Variants in KCNQ3 observed in about 807,000 individuals in gnomAD.
The protein encoded by KCNQ3 is potassium voltage-gated channel subfamily KQT member 3.
Under a neutral mutation model 92.5 loss-of-function variants are expected in KCNQ3, and 30 were observed. That is an observed-to-expected ratio of 0.32 (90% CI 0.24 to 0.44). The LOEUF is 0.44. Among genes scored for constraint, KCNQ3 ranks in the 20% least tolerant of loss-of-function variants. KCNQ3 has a pLI of 1.00. For synonymous variants in KCNQ3, 450 were observed against 468.8 expected (o/e 0.96, Z 0.52); for missense variants, 913 against 1,140.3 (o/e 0.80, Z 2.87).
chr8:132,370,890 CATCTCCATTTTACAG>C lies in KCNQ3; in HGVS notation c.386+109242_386+109256del, dbSNP rs370260047. Among the ~76,000 whole-genome samples, 518 of 152,296 alleles carry C rather than the reference CATCTCCATTTTACAG, an allele frequency of 3.4e-3. 3 individuals are homozygous for C. The highest frequency in any genetic ancestry group is 0.012 in the African/African-American group (484 of 41,544). On this transcript the variant is annotated intron_variant, in intron 1 of 14. Coordinates refer to ENST00000388996, the MANE Select transcript of KCNQ3 (RefSeq NM_004519.4). ...ACCAGTACCCAGTGAAGTCAGTCAT[CATCTCCATTTTACAG>C]ATCAGGAAACTGAGGCATAGAAAGT...
At position 132,244,909 on chromosome 8, in the gene KCNQ3, C is replaced by A. The variant is rs571247750; in HGVS notation, c.387-58728G>T. ...TTATAAAGGTAACATAACCACAGCA[C>A]CTCACTTGACCAAAAAAAAAAAAAA... On this transcript the variant is annotated intron_variant, in intron 1 of 14. Transcript: ENST00000388996. Among the ~76,000 whole-genome samples, 3 of 138,886 alleles carry A rather than the reference C, an allele frequency of 2.2e-5. No individual in the cohort carries two copies. The South Asian group carries it at 8.0e-4, about 37-fold the overall frequency. The allele number at this position is 138,886 out of a possible 152,430, so 91.1% of individuals were successfully genotyped here.
At chr8:132,176,717 A>C (rs1344849254) in intron 4 of KCNQ3, among the ~76,000 whole-genome samples, 14 of 152,192 alleles carry the variant, frequency 9.2e-5, no homozygotes, top group Admixed American at 9.2e-4. Context: ...AGTCATCTTC[A>C]GACTCATGTC....
chr8:132,304,317 A>T (rs1817349837), intron 1 of KCNQ3, among the ~76,000 whole-genome samples: 1 of 152,244 alleles, frequency 6.6e-6, no homozygotes. Context: ...TAAAAATGCC[A>T]TAAAATAAAA....
intron 1 of KCNQ3, among the ~76,000 whole-genome samples, chr8:132,412,842 G>T (rs1400289519): frequency 6.6e-6 from 1 of 152,126 alleles, no homozygotes; most frequent in South Asian, 2.1e-4. Context: ...ATCTTGCTGT[G>T]GTCCCAAACA....
At chr8:132,173,826 C>T (rs1352731954) in intron 6 of KCNQ3, among the ~76,000 whole-genome samples, 1 of 152,168 alleles carries the variant, frequency 6.6e-6, no homozygotes, top group Non-Finnish European at 1.5e-5. Context: ...GAAGGGAACT[C>T]ACATAAATGA....
chr8:132,380,324 C>A (rs182938579), intron 1 of KCNQ3, among the ~76,000 whole-genome samples: 99 of 152,296 alleles, frequency 6.5e-4, no homozygotes, highest in African/African-American at 2.3e-3. Context: ...CCCCTTCCAA[C>A]CTCACTAATT....
intron 1 of KCNQ3, among the ~76,000 whole-genome samples, chr8:132,435,313 A>G (rs1821363857): frequency 6.6e-6 from 1 of 152,232 alleles, no homozygotes; most frequent in African/African-American, 2.4e-5. Flanking sequence ...GGAATGGTAC[A>G]AGAACAGGTC....
At chr8:132,226,267 T>C (rs1814415479) in intron 1 of KCNQ3, among the ~76,000 whole-genome samples, 1 of 128,760 alleles carries the variant, frequency 7.8e-6, no homozygotes, top group Non-Finnish European at 1.8e-5. Context: ...CATGATTCTG[T>C]CTCAAAAAAA....
chr8:132,448,584 A>C (rs1233410603), intron 1 of KCNQ3, among the ~76,000 whole-genome samples: 1 of 151,724 alleles, frequency 6.6e-6, no homozygotes, highest in East Asian at 1.9e-4. Context: ...ATGTGCTTGC[A>C]GTGAATTCTG....
intron 1 of KCNQ3, among the ~76,000 whole-genome samples, chr8:132,249,665 C>T (rs1252903774): frequency 6.6e-6 from 1 of 152,240 alleles, no homozygotes; most frequent in African/African-American, 2.4e-5. Context: ...CTGCACACCT[C>T]AGCTGTTGGG....
At chr8:132,130,967 C>T (rs1824860938) in intron 14 of KCNQ3, among the ~76,000 whole-genome samples, 1 of 152,196 alleles carries the variant, frequency 6.6e-6, no homozygotes, top group Admixed American at 6.5e-5. Context: ...GCACCATGAT[C>T]AGCAGATGCC....
chr8:132,386,642 G>A (rs1819898515), intron 1 of KCNQ3, among the ~76,000 whole-genome samples: 1 of 151,940 alleles, frequency 6.6e-6, no homozygotes, highest in South Asian at 2.1e-4. Flanking sequence ...ATATTAAAGA[G>A]GTTTATTTCT....
intron 1 of KCNQ3, among the ~76,000 whole-genome samples, chr8:132,321,047 C>T (rs1563858034): frequency 1.3e-5 from 2 of 152,350 alleles, no homozygotes; most frequent in Non-Finnish European, 2.9e-5. Context: ...GTCTTCATTG[C>T]TTTCTGAAAG....
At chr8:132,380,098 G>A (rs529642551) in intron 1 of KCNQ3, among the ~76,000 whole-genome samples, 6 of 152,262 alleles carry the variant, frequency 3.9e-5, no homozygotes, top group Middle Eastern at 3.4e-3. Context: ...GCATTGGCCT[G>A]GGTATGAGAA....
chr8:132,146,235 A>C (rs1825442972), intron 9 of KCNQ3, among the ~76,000 whole-genome samples: 1 of 152,262 alleles, frequency 6.6e-6, no homozygotes, highest in Non-Finnish European at 1.5e-5. Flanking sequence ...AAGCAACCCA[A>C]ATGTTGTCCA....
At chr8:132,436,679 A>C (rs1266619605) in intron 1 of KCNQ3, among the ~76,000 whole-genome samples, 4 of 152,108 alleles carry the variant, frequency 2.6e-5, no homozygotes, top group Non-Finnish European at 5.9e-5. Context: ...TGAGGTTTTG[A>C]GTTTGTTTCT....
intron 1 of KCNQ3, among the ~76,000 whole-genome samples, chr8:132,317,416 CT>C (rs1563856293): frequency 6.6e-6 from 1 of 152,166 alleles, no homozygotes; most frequent in East Asian, 1.9e-4. Flanking sequence ...ACTTTTAACT[CT>C]TTTTAAAAAC....
intron 1 of KCNQ3, among the ~76,000 whole-genome samples, chr8:132,424,989 A>G (rs971128798): frequency 6.6e-6 from 1 of 152,212 alleles, no homozygotes; most frequent in Non-Finnish European, 1.5e-5. Flanking sequence ...TGTTTAGGAC[A>G]CCAATATGTT....
At chr8:132,185,610 G>A (rs2130181846) in intron 2 of KCNQ3, among the ~76,000 whole-genome samples, 1 of 152,238 alleles carries the variant, frequency 6.6e-6, no homozygotes, top group East Asian at 1.9e-4. Context: ...ACCTGATGGA[G>A]GACAGAGAGT....
Sources: allele counts gnomAD v4.1 joint callset (sites outside exome capture counted in the v4.1 genomes callset), GRCh38; gene constraint gnomAD v4.1.1; transcripts MANE v1.5; gene names NCBI Gene and HGNC (gene_info 2026-07-23, HGNC 2026-07-21).